Variants in ZDHHC14 observed in about 807,000 individuals in gnomAD.
The protein encoded by ZDHHC14 is zDHHC palmitoyltransferase 14, also known as palmitoyltransferase ZDHHC14.
ZDHHC14 carries 16 observed loss-of-function variants against 47.7 expected under a neutral mutation model. That is an observed-to-expected ratio of 0.34 (90% confidence interval 0.23 to 0.51). The LOEUF is 0.51. Ranked by LOEUF, ZDHHC14 falls within the 20% of genes least tolerant of loss-of-function variation. ZDHHC14 has a pLI of 0.97. For missense variants in ZDHHC14, 515 were observed against 662.5 expected, an observed-to-expected ratio of 0.78 and a Z score of 2.44; for synonymous variants, 293 against 278.9, an observed-to-expected ratio of 1.05 and a Z score of -0.50.
chr6:157,554,580 C>T (rs1582931770), intron 2 of ZDHHC14, among the ~76,000 whole-genome samples: 1 of 152,174 alleles, frequency 6.6e-6, no homozygotes. Context: ...GTAGAATAGG[C>T]ACACGGGACT....
intron 1 of ZDHHC14, among the ~76,000 whole-genome samples, chr6:157,398,508 A>T (rs12202965): frequency 0.012 from 1,772 of 152,306 alleles, 15 homozygotes; most frequent in Non-Finnish European, 0.016. Flanking sequence ...GCTGAATCTG[A>T]CATCTAACTC....
intron 1 of ZDHHC14, among the ~76,000 whole-genome samples, chr6:157,414,412 A>ACCATGGTGCCACCCTT (rs1398669201): frequency 6.6e-5 from 10 of 152,176 alleles, no homozygotes; most frequent in Non-Finnish European, 1.5e-5. Flanking sequence ...GATTATGAAA[A>ACCATGGTGCCACCCTT]CCATGGTGCC....
chr6:157,536,633 T>C (rs1781552511), intron 1 of ZDHHC14, among the ~76,000 whole-genome samples: 1 of 152,162 alleles, frequency 6.6e-6, no homozygotes, highest in Admixed American at 6.6e-5. Context: ...ATTAATTTAG[T>C]CTTAGGGGTT....
intron 3 of ZDHHC14, among the ~76,000 whole-genome samples, chr6:157,595,174 ATTTTTTTTTTTTTTTT>A (rs777568494): frequency 1.6e-4 from 10 of 62,716 alleles, no homozygotes; most frequent in South Asian, 5.6e-4. Context: ...TCTAGGCTAG[ATTTTTTTTTTTTTTTT>A]TTTTTTTTTT....
chr6:157,539,752 T>C (rs182114265), intron 1 of ZDHHC14, among the ~76,000 whole-genome samples: 3 of 152,266 alleles, frequency 2.0e-5, no homozygotes, highest in African/African-American at 4.8e-5. Flanking sequence ...TTCACCTGCT[T>C]TATTCTCCAC....
intron 1 of ZDHHC14, among the ~76,000 whole-genome samples, chr6:157,443,143 A>C (rs1167188518): frequency 6.6e-6 from 1 of 152,132 alleles, no homozygotes; most frequent in Non-Finnish European, 1.5e-5. Context: ...ATAGTGAGTG[A>C]GTTCTCAGGA....
chr6:157,505,587 T>C (rs145103870), intron 1 of ZDHHC14, among the ~76,000 whole-genome samples: 297 of 152,248 alleles, frequency 2.0e-3, no homozygotes, highest in African/African-American at 7.0e-3. Flanking sequence ...AGGGAACAAA[T>C]CATCATGTGG....
intron 1 of ZDHHC14, among the ~76,000 whole-genome samples, chr6:157,537,397 T>C (rs1397976783): frequency 6.6e-6 from 1 of 152,248 alleles, no homozygotes; most frequent in Non-Finnish European, 1.5e-5. Flanking sequence ...AGTTTGTGCA[T>C]AGGTATTTAT....
chr6:157,617,301 T>G (rs1331138251), intron 3 of ZDHHC14, among the ~76,000 whole-genome samples: 1 of 152,222 alleles, frequency 6.6e-6, no homozygotes, highest in East Asian at 1.9e-4. Flanking sequence ...GCCTTATATC[T>G]TAACAATAAT....
intron 8 of ZDHHC14, among the ~76,000 whole-genome samples, chr6:157,671,761 G>A (rs898441312): frequency 5.3e-5 from 8 of 152,190 alleles, no homozygotes; most frequent in African/African-American, 9.7e-5. Context: ...CAGAGGCTTC[G>A]GGAATGGCTC....
chr6:157,606,120 T>C (rs1241643676), intron 3 of ZDHHC14, among the ~76,000 whole-genome samples: 1 of 152,198 alleles, frequency 6.6e-6, no homozygotes. Context: ...CACAGGTCTC[T>C]ATGCCTCAGA....
chr6:157,634,181 A>G (rs1465518003), intron 5 of ZDHHC14, among the ~76,000 whole-genome samples: 1 of 152,046 alleles, frequency 6.6e-6, no homozygotes, highest in East Asian at 1.9e-4. Context: ...GCAGCATAGG[A>G]TGTTGGTTAC....
At chr6:157,396,334 T>A (rs1209296617) in intron 1 of ZDHHC14, among the ~76,000 whole-genome samples, 1 of 152,158 alleles carries the variant, frequency 6.6e-6, no homozygotes, top group Non-Finnish European at 1.5e-5. Flanking sequence ...AGCCTCAGAT[T>A]TATATAATCA....
chr6:157,584,374 C>T (rs1395810538), intron 2 of ZDHHC14, among the ~76,000 whole-genome samples: 4 of 152,210 alleles, frequency 2.6e-5, no homozygotes, highest in African/African-American at 7.2e-5. Flanking sequence ...GCAGTTAGGG[C>T]ACTACCACTA....
At chr6:157,458,323 G>A (rs150939882) in intron 1 of ZDHHC14, among the ~76,000 whole-genome samples, 1 of 152,162 alleles carries the variant, frequency 6.6e-6, no homozygotes, top group African/African-American at 2.4e-5. Context: ...AGCAGAGAGT[G>A]TTGCAGTTCG....
chr6:157,470,240 A>G (rs1779322722), intron 1 of ZDHHC14, among the ~76,000 whole-genome samples: 2 of 152,234 alleles, frequency 1.3e-5, no homozygotes, highest in African/African-American at 2.4e-5. Context: ...CTACTTATAT[A>G]TTTGAAAGAC....
Position 157,382,254 on chromosome 6 carries a change from T to C in ZDHHC14, c.233T>C (p.Phe78Ser). ...CTCATCCTGGTCACTAGCGGACTCT[T>C]CTTCGCCTTCGAGTAAGTGGTGGCG... is the stretch of plus-strand genomic sequence containing the variant. ...LVLILVTSGL[F>S]FAFDCPYLAV... The change falls in exon 1 of 9, where the codon TTC becomes TCC. Residue 78 changes from phenylalanine to serine, a missense_variant. Phe to Ser is a radical substitution (Grantham distance 155). This residue lies in a region of ZDHHC14 where 229 missense variants were observed against 351.5 expected (regional missense o/e 0.65). Transcript: ENST00000359775. 1 of 1,610,640 alleles carries C rather than the reference T, an allele frequency of 6.2e-7. No individual in the cohort carries two copies. The highest frequency in any genetic ancestry group is 8.5e-7 in the Non-Finnish European group (1 of 1,178,482).
intron 1 of ZDHHC14, among the ~76,000 whole-genome samples, chr6:157,452,690 ATTTTTTTTTTTTT>A (rs747862336): frequency 6.6e-4 from 48 of 72,964 alleles, no homozygotes; most frequent in African/African-American, 2.1e-3. Flanking sequence ...ATACATGGGG[ATTTTTTTTTTTTT>A]TTTTTTTTTT....
chr6:157,624,549 T>G (rs1785326362), intron 3 of ZDHHC14, among the ~76,000 whole-genome samples: 1 of 152,234 alleles, frequency 6.6e-6, no homozygotes, highest in African/African-American at 2.4e-5. Flanking sequence ...AGTTTCTTCT[T>G]AGTATTCCGA....
Sources: gnomAD v4.1 joint callset for allele counts (sites outside exome capture counted in the v4.1 genomes callset) on GRCh38, gnomAD v4.1.1 for gene constraint, gnomAD v4.1.1 regional missense constraint, MANE v1.5 for transcripts, NCBI Gene and HGNC (gene_info 2026-07-23, HGNC 2026-07-21) for gene names.